The following KCNQ3 variants were observed in gnomAD, a reference collection of about 807,000 sequenced individuals.
KCNQ3 encodes potassium voltage-gated channel subfamily Q member 3.
KCNQ3 carries 30 observed loss-of-function variants against 92.5 expected under a neutral mutation model. The observed-to-expected ratio is 0.32, with a 90% CI of 0.24 to 0.44. KCNQ3 has a LOEUF of 0.44. KCNQ3 is among the 20% of genes least tolerant of loss of function. The pLI, the probability that KCNQ3 is intolerant of heterozygous loss-of-function variation, is 1.00. For missense variants in KCNQ3, 913 were observed against 1,140.3 expected (o/e 0.80, Z 2.87); for synonymous variants, 450 against 468.8 (o/e 0.96, Z 0.52).
chr8:132,296,922 G>A (rs1396530733), intron 1 of KCNQ3, among the ~76,000 whole-genome samples: 1 of 151,994 alleles, frequency 6.6e-6, no homozygotes, highest in Non-Finnish European at 1.5e-5. Flanking sequence ...GGATGGCTGG[G>A]TCAAATGGTA....
intron 1 of KCNQ3, among the ~76,000 whole-genome samples, chr8:132,385,078 C>G (rs1819855855): frequency 6.6e-6 from 1 of 152,116 alleles, no homozygotes; most frequent in Non-Finnish European, 1.5e-5. Flanking sequence ...AAACTCCTCA[C>G]CTAAGATCAT....
At chr8:132,235,670 G>T (rs1338123890) in intron 1 of KCNQ3, among the ~76,000 whole-genome samples, 1 of 152,132 alleles carries the variant, frequency 6.6e-6, no homozygotes, top group African/African-American at 2.4e-5. Flanking sequence ...CACTCAGTCG[G>T]TGCCAGTCAT....
chr8:132,163,570 C>A lies in KCNQ3; in HGVS notation c.1236-76G>T. On this transcript the variant is annotated intron_variant, in intron 8 of 14. Coordinates refer to ENST00000388996, the MANE Select transcript of KCNQ3 (RefSeq NM_004519.4). ...TGTATCCTTCCTCGAAAGATTGCTGCAAAGCTTCTCTCTGAAGATGATGGA... is the reference window on the plus strand; with the variant it reads ...TGTATCCTTCCTCGAAAGATTGCTGAAAAGCTTCTCTCTGAAGATGATGGA... 2 of 1,209,644 alleles carry A rather than the reference C, an allele frequency of 1.7e-6. 1 individual carries two copies. The highest frequency in any genetic ancestry group is 2.4e-5 in the South Asian group (2 of 81,856). The allele number at this position is 1,209,644 out of a possible 1,614,324, so 74.9% of individuals were successfully genotyped here.
intron 3 of KCNQ3, 76 bp from the exon 4 acceptor site, chr8:132,180,405 T>C: frequency 6.6e-7 from 1 of 1,524,924 alleles, no homozygotes; most frequent in Non-Finnish European, 9.0e-7. Flanking sequence ...TCATCATAGG[T>C]GCTGTTTGCT....
At chr8:132,148,439 T>A (rs1022380689) in intron 9 of KCNQ3, among the ~76,000 whole-genome samples, 5 of 152,212 alleles carry the variant, frequency 3.3e-5, no homozygotes, top group Non-Finnish European at 7.3e-5. Context: ...TTTCACCGTG[T>A]TGCCAAGGCT....
chr8:132,227,901 T>C (rs931961364), intron 1 of KCNQ3, among the ~76,000 whole-genome samples: 8 of 152,156 alleles, frequency 5.3e-5, no homozygotes, highest in African/African-American at 1.9e-4. Context: ...ACCTGAGTTC[T>C]GTGAAGTTGG....
chr8:132,357,488 C>T (rs779398139), intron 1 of KCNQ3, among the ~76,000 whole-genome samples: 1 of 152,222 alleles, frequency 6.6e-6, no homozygotes. Context: ...ACCAGGGTCG[C>T]TCTCTGCCCT....
intron 1 of KCNQ3, among the ~76,000 whole-genome samples, chr8:132,465,426 T>TA (rs35965901): frequency 0.31 from 47,298 of 151,628 alleles, 8,024 homozygotes; most frequent in African/African-American, 0.44. Flanking sequence ...AAAACAATTT[T>TA]AAAAAAATAG....
intron 1 of KCNQ3, among the ~76,000 whole-genome samples, chr8:132,339,345 C>A (rs1818455304): frequency 6.6e-6 from 1 of 152,206 alleles, no homozygotes; most frequent in Non-Finnish European, 1.5e-5. Flanking sequence ...ACTGGGCAAT[C>A]TAGAGGACCC....
chr8:132,198,777 A>G (rs1174894032), intron 1 of KCNQ3, among the ~76,000 whole-genome samples: 1 of 152,246 alleles, frequency 6.6e-6, no homozygotes. Context: ...ACTGCACTCC[A>G]GCCTGAGCAA....
chr8:132,433,497 T>C (rs1174473872), intron 1 of KCNQ3, among the ~76,000 whole-genome samples: 1 of 152,210 alleles, frequency 6.6e-6, no homozygotes, highest in Non-Finnish European at 1.5e-5. Context: ...GGCCAACACA[T>C]GTGGGAGTGC....
chr8:132,244,382 G>A (rs1361263035), intron 1 of KCNQ3, among the ~76,000 whole-genome samples: 1 of 151,356 alleles, frequency 6.6e-6, no homozygotes, highest in South Asian at 2.1e-4. Flanking sequence ...GACAGAGAGA[G>A]AAAGGAAGTG....
chr8:132,427,190 G>A (rs1821134188), intron 1 of KCNQ3, among the ~76,000 whole-genome samples: 1 of 152,226 alleles, frequency 6.6e-6, no homozygotes, highest in Admixed American at 6.5e-5. Flanking sequence ...ATGGGCAGGG[G>A]TGTGGGCCAA....
chr8:132,175,495 T>C lies in KCNQ3; in HGVS notation c.891A>G (p.Lys297=), dbSNP rs757426539. The change falls in exon 5 of 15, where the codon AAA becomes AAG. Residue 297 remains lysine, a synonymous_variant. Coordinates refer to ENST00000388996, the MANE Select transcript of KCNQ3 (RefSeq NM_004519.4). ...CATCTGCATAGGTCTCAAACTCCTC[T>C]TTCATCTCCTCTCCTTGTGCATCCA... is the stretch of plus-strand genomic sequence containing the variant. ...PEVDAQGEEM[K]EEFETYADAL... 1.6e-5 allele frequency: 26 copies of C among 1,614,060 alleles called. No individual in the cohort carries two copies. The highest frequency in any genetic ancestry group is 2.1e-5 in the Non-Finnish European group (25 of 1,180,032).
intron 1 of KCNQ3, among the ~76,000 whole-genome samples, chr8:132,259,180 A>C (rs1407162023): frequency 3.3e-5 from 5 of 150,202 alleles, no homozygotes. Context: ...CTAATAACAA[A>C]ATCAGATAAA....
At chr8:132,281,234 T>C (rs949597770) in intron 1 of KCNQ3, among the ~76,000 whole-genome samples, 1 of 152,134 alleles carries the variant, frequency 6.6e-6, no homozygotes, top group African/African-American at 2.4e-5. Context: ...TGCCCTTCCT[T>C]TAGGAAAGCT....
chr8:132,332,037 C>T (rs1314522613), intron 1 of KCNQ3, among the ~76,000 whole-genome samples: 1 of 152,200 alleles, frequency 6.6e-6, no homozygotes, highest in Non-Finnish European at 1.5e-5. Context: ...TAGTGACTTG[C>T]TTATAATGCA....
chr8:132,160,614 CATA>C (rs1825954874), intron 9 of KCNQ3, among the ~76,000 whole-genome samples: 1 of 150,506 alleles, frequency 6.6e-6, no homozygotes, highest in Admixed American at 6.6e-5. Flanking sequence ...TGTATAGATA[CATA>C]ATAACTTTCA....
chr8:132,244,153 G>C (rs1028310750), intron 1 of KCNQ3, among the ~76,000 whole-genome samples: 3 of 152,140 alleles, frequency 2.0e-5, no homozygotes, highest in Admixed American at 1.3e-4. Flanking sequence ...GAAACTTTAT[G>C]ATGATTTATC....
Sources: gnomAD v4.1 joint callset for allele counts (sites outside exome capture counted in the v4.1 genomes callset) on GRCh38, gnomAD v4.1.1 for gene constraint, MANE v1.5 for transcripts, NCBI Gene and HGNC (gene_info 2026-07-23, HGNC 2026-07-21) for gene names.